Variants in UBE2E2 observed in about 807,000 individuals in gnomAD.
UBE2E2 encodes the protein ubiquitin conjugating enzyme E2 E2.
UBE2E2 carries 6 observed loss-of-function variants against 24.7 expected under a neutral mutation model. The ratio of observed to expected loss-of-function variants is 0.24; its 90% CI spans 0.13 to 0.48. The LOEUF (loss-of-function observed/expected upper bound fraction) is 0.48, where lower values mean the gene tolerates loss of function less well. Ranked by LOEUF, UBE2E2 falls within the 20% of genes least tolerant of loss-of-function variation. UBE2E2 has a pLI of 0.99. For synonymous variants in UBE2E2, 104 were observed against 83.6 expected (o/e 1.24, Z -1.33); for missense variants, 169 against 245.0 (o/e 0.69, Z 2.07).
rs142365996 is a variant in UBE2E2, at chr3:23,386,388, G to T, written c.228-113220G>T. ...ATTACCTCCCAAAGGCCCCACCTCC[G>T]AATGCAATCAGGTTGGGGGTTAAGA... On this transcript the variant is annotated intron_variant, in intron 3 of 5. Coordinates refer to ENST00000396703, the MANE Select transcript of UBE2E2 (RefSeq NM_152653.4). 1.7e-4 allele frequency among the ~76,000 whole-genome samples: 26 copies of T among 152,250 alleles called. No individual in the cohort carries two copies. In the East Asian group the frequency reaches 4.8e-3, roughly 28 times the overall value.
chr3:23,497,986 T>C (rs1263830464), intron 3 of UBE2E2, among the ~76,000 whole-genome samples: 1 of 152,258 alleles, frequency 6.6e-6, no homozygotes, highest in Admixed American at 6.5e-5. Context: ...ATTTGCATTT[T>C]GTAAAATAAT....
At chr3:23,534,083 G>A in intron 5 of UBE2E2, 1 of 569,344 alleles carries the variant, frequency 1.8e-6, no homozygotes, top group Non-Finnish European at 2.2e-6. Context: ...CTGTGACTGT[G>A]TATAACCTTG....
chr3:23,290,984 G>A (rs1246480768), intron 3 of UBE2E2, among the ~76,000 whole-genome samples: 1 of 149,052 alleles, frequency 6.7e-6, no homozygotes, highest in African/African-American at 2.5e-5. Context: ...TGGGAAGATC[G>A]CTTGAGCCTA....
At chr3:23,273,569 T>G (rs941285894) in intron 3 of UBE2E2, among the ~76,000 whole-genome samples, 1 of 151,278 alleles carries the variant, frequency 6.6e-6, no homozygotes, top group Non-Finnish European at 1.5e-5. Context: ...GTACAGCAGG[T>G]CCTTGAATGA....
At chr3:23,557,275 T>C (rs1452808611) in intron 5 of UBE2E2, among the ~76,000 whole-genome samples, 1 of 152,222 alleles carries the variant, frequency 6.6e-6, no homozygotes, top group Non-Finnish European at 1.5e-5. Flanking sequence ...ATTGAATGCT[T>C]TCATACTACA....
At chr3:23,509,658 A>G (rs1014229836) in intron 4 of UBE2E2, among the ~76,000 whole-genome samples, 3 of 151,886 alleles carry the variant, frequency 2.0e-5, no homozygotes, top group African/African-American at 7.3e-5. Flanking sequence ...TACATGTGCC[A>G]TGTTGGCGTG....
chr3:23,509,624 A>T (rs185502346), intron 4 of UBE2E2, among the ~76,000 whole-genome samples: 1 of 151,974 alleles, frequency 6.6e-6, no homozygotes, highest in Admixed American at 6.6e-5. Flanking sequence ...CATGTGCACA[A>T]CATGTAGGTT....
intron 3 of UBE2E2, among the ~76,000 whole-genome samples, chr3:23,338,675 G>T (rs1427480771): frequency 6.6e-6 from 1 of 152,118 alleles, no homozygotes; most frequent in Non-Finnish European, 1.5e-5. Context: ...CATGTCAAAA[G>T]AATGTATGAG....
chr3:23,553,559 A>G (rs1479749826), intron 5 of UBE2E2, among the ~76,000 whole-genome samples: 1 of 152,168 alleles, frequency 6.6e-6, no homozygotes, highest in African/African-American at 2.4e-5. Flanking sequence ...TGCTGAAGGA[A>G]ATGGTTTCAT....
intron 3 of UBE2E2, among the ~76,000 whole-genome samples, chr3:23,354,230 A>C (rs2125324176): frequency 6.6e-6 from 1 of 152,222 alleles, no homozygotes; most frequent in South Asian, 2.1e-4. Context: ...TTATACAAAA[A>C]TTAATTCAAG....
At chr3:23,485,720 A>G (rs983487529) in intron 3 of UBE2E2, among the ~76,000 whole-genome samples, 1 of 152,202 alleles carries the variant, frequency 6.6e-6, no homozygotes, top group Admixed American at 6.5e-5. Flanking sequence ...ACTGAATTAT[A>G]AACCAAGAAT....
At chr3:23,352,031 G>A (rs1300518999) in intron 3 of UBE2E2, among the ~76,000 whole-genome samples, 3 of 152,048 alleles carry the variant, frequency 2.0e-5, no homozygotes, top group East Asian at 1.9e-4. Context: ...ATAACAAACT[G>A]TCTCTCAGAC....
At chr3:23,310,356 C>G (rs1694342787) in intron 3 of UBE2E2, among the ~76,000 whole-genome samples, 1 of 140,356 alleles carries the variant, frequency 7.1e-6, no homozygotes, top group South Asian at 2.2e-4. Context: ...AGTTGGATAT[C>G]TTACTGTCTT....
chr3:23,272,517 C>T (rs577215555), intron 3 of UBE2E2, among the ~76,000 whole-genome samples: 11 of 152,324 alleles, frequency 7.2e-5, no homozygotes, highest in Admixed American at 5.9e-4. Context: ...GCCGAGGAGG[C>T]GCTGAGAGCG....
intron 3 of UBE2E2, among the ~76,000 whole-genome samples, chr3:23,376,147 T>G (rs1436203920): frequency 6.6e-6 from 1 of 152,166 alleles, no homozygotes; most frequent in Non-Finnish European, 1.5e-5. Context: ...CATACTCAAG[T>G]TTGTAGTTTT....
chr3:23,224,647 TTTCTC>T (rs1031721778), intron 3 of UBE2E2, among the ~76,000 whole-genome samples: 1 of 152,144 alleles, frequency 6.6e-6, no homozygotes, highest in Non-Finnish European at 1.5e-5. Context: ...CTTTATTTCT[TTTCTC>T]TTGCCTAATT....
intron 3 of UBE2E2, among the ~76,000 whole-genome samples, chr3:23,361,900 A>G (rs571175925): frequency 6.6e-6 from 1 of 152,356 alleles, no homozygotes; most frequent in East Asian, 1.9e-4. Context: ...ATGTATTTGA[A>G]TGTTGAGTAT....
chr3:23,543,558 AAAT>A (rs1695447044), intron 5 of UBE2E2, among the ~76,000 whole-genome samples: 2 of 146,276 alleles, frequency 1.4e-5, no homozygotes, highest in Non-Finnish European at 1.5e-5. Context: ...AAAAAAAAAA[AAAT>A]AATAATAGAT....
intron 5 of UBE2E2, among the ~76,000 whole-genome samples, chr3:23,538,872 T>A (rs994305183): frequency 6.6e-6 from 1 of 152,222 alleles, no homozygotes; most frequent in Non-Finnish European, 1.5e-5. Context: ...CCCTACTTTG[T>A]CAATTCTGTA....
Sources: gnomAD v4.1 joint callset for allele counts (sites outside exome capture counted in the v4.1 genomes callset) on GRCh38, gnomAD v4.1.1 for gene constraint, MANE v1.5 for transcripts, NCBI Gene and HGNC (gene_info 2026-07-23, HGNC 2026-07-21) for gene names.